C1QTNF1: variants seen among roughly 807,000 people sequenced by gnomAD.
C1QTNF1 encodes C1q and TNF related 1, also known as complement C1q tumor necrosis factor-related protein 1.
Under a neutral mutation model 27.8 loss-of-function variants are expected in C1QTNF1, and 22 were observed. The observed-to-expected ratio is 0.79, with a 90% CI of 0.56 to 1.13. C1QTNF1 has a LOEUF of 1.13. C1QTNF1 is among the 50% of genes most tolerant of loss of function. The probability of loss-of-function intolerance (pLI) is 0.00; values close to 1 mark genes in which losing one functional copy is unlikely to be tolerated. For missense variants in C1QTNF1, 373 were observed against 380.2 expected, an observed-to-expected ratio of 0.98 and a Z score of 0.16; for synonymous variants, 166 against 154.3, an observed-to-expected ratio of 1.08 and a Z score of -0.56.
chr17:79,043,702 G>T, intron 1 of C1QTNF1: 1 of 605,404 alleles, frequency 1.7e-6, no homozygotes, highest in East Asian at 3.6e-5. Context: ...GCATGTGTGG[G>T]GGTTGCATGT....
chr17:79,036,239 G>T (rs1209039641), intron 1 of C1QTNF1, among the ~76,000 whole-genome samples: 1 of 152,232 alleles, frequency 6.6e-6, no homozygotes, highest in Non-Finnish European at 1.5e-5. Context: ...CAGTGGTGCA[G>T]TCGTGGCTCA....
chr17:79,043,301 GTGTGCATGTGAGT>G, intron 1 of C1QTNF1: 1 of 453,308 alleles, frequency 2.2e-6, no homozygotes, highest in Non-Finnish European at 4.4e-6. Context: ...ATTTGGGTAT[GTGTGCATGTGAGT>G]TGTGCATGTG....
chr17:79,045,165 A>C (rs2072535309), intron 2 of C1QTNF1, among the ~76,000 whole-genome samples: 4 of 152,172 alleles, frequency 2.6e-5, no homozygotes, highest in Admixed American at 2.6e-4. Context: ...CTTGAAGGAC[A>C]CCTGCGGGCC....
At chr17:79,043,131 G>T (rs2072461357) in intron 1 of C1QTNF1, among the ~76,000 whole-genome samples, 1 of 150,856 alleles carries the variant, frequency 6.6e-6, no homozygotes, top group South Asian at 2.1e-4. Context: ...GTGAATGTGT[G>T]TGCATGTTGG....
chr17:79,028,883 GGTGTGTGTGT>G (rs3223281), intron 1 of C1QTNF1, among the ~76,000 whole-genome samples: 33 of 149,374 alleles, frequency 2.2e-4, no homozygotes, highest in Non-Finnish European at 3.3e-4. Flanking sequence ...CACATTTTAA[GGTGTGTGTGT>G]GTGTGTGTGT....
intron 1 of C1QTNF1, chr17:79,043,658 GTGCATGTGTGGAT>G: frequency 1.9e-6 from 1 of 532,280 alleles, no homozygotes; most frequent in East Asian, 4.8e-5. Context: ...GTGACTGTGT[GTGCATGTGTGGAT>G]TGCATGTGTG....
At chr17:79,034,042 T>C (rs1239330706) in intron 1 of C1QTNF1, 1 of 152,254 alleles carries the variant, frequency 6.6e-6, no homozygotes, top group African/African-American at 2.4e-5. Context: ...AGCCCTGTCT[T>C]ATGCCAGGCT....
At chr17:79,037,998 T>C (rs2072305190) in intron 1 of C1QTNF1, among the ~76,000 whole-genome samples, 1 of 149,470 alleles carries the variant, frequency 6.7e-6, no homozygotes, top group Non-Finnish European at 1.5e-5. Flanking sequence ...TTCTTTTTCT[T>C]TTTTTTTTTG....
intron 1 of C1QTNF1, among the ~76,000 whole-genome samples, chr17:79,036,672 T>C (rs2072271214): frequency 2.0e-5 from 3 of 152,252 alleles, no homozygotes; most frequent in Admixed American, 2.0e-4. Flanking sequence ...TGAGCTATAA[T>C]TGGGTACGTG....
chr17:79,023,815 A>G (rs1333082637), upstream of C1QTNF1, among the ~76,000 whole-genome samples: 1 of 152,162 alleles, frequency 6.6e-6, no homozygotes, highest in Non-Finnish European at 1.5e-5. Flanking sequence ...AGGGCGTCTC[A>G]GGTCTGCCAC....
rs2072248152 is a variant in C1QTNF1 at position 79,035,676 on chromosome 17, C to G, written c.-14-8279C>G. Among the ~76,000 whole-genome samples the G allele has an allele frequency of 3.3e-5, 5 of 152,282 alleles. 1 individual carries two copies. In the South Asian group the frequency reaches 1.0e-3, roughly 32 times the overall value. ...GAGCTCTTGGCCTCAAGTGATCTGCCCACCTCAGCCTCCCAAAGTGCTGGG... is the reference window on the plus strand; with the variant it reads ...GAGCTCTTGGCCTCAAGTGATCTGCGCACCTCAGCCTCCCAAAGTGCTGGG... On this transcript the variant is annotated intron_variant, in intron 1 of 3. Transcript: ENST00000579760.
At chr17:79,028,283 C>T (rs564307623) in intron 1 of C1QTNF1, among the ~76,000 whole-genome samples, 6 of 152,354 alleles carry the variant, frequency 3.9e-5, no homozygotes, top group Admixed American at 2.6e-4. Flanking sequence ...AAACCCTATG[C>T]TTTGGGTTGT....
At chr17:79,042,391 C>G (rs1419312740) in intron 1 of C1QTNF1, among the ~76,000 whole-genome samples, 1 of 152,232 alleles carries the variant, frequency 6.6e-6, no homozygotes, top group Non-Finnish European at 1.5e-5. Context: ...GAAGGACTGT[C>G]CCAATACTGG....
intron 1 of C1QTNF1, chr17:79,043,190 AG>A (rs2072464497): frequency 2.3e-6 from 1 of 442,128 alleles, no homozygotes; most frequent in East Asian, 7.1e-5. Flanking sequence ...TGCATGTAAA[AG>A]TGTGCATGTG....
At position 79,046,261 on chromosome 17, in the gene C1QTNF1, C is replaced by T. The variant is rs2072569544; in HGVS notation, c.156-294C>T. Among the ~76,000 whole-genome samples, 1 of 152,188 alleles carries T rather than the reference C, an allele frequency of 6.6e-6. No individual in the cohort carries two copies. Among genetic ancestry groups the T allele is most frequent in the Admixed American group, 6.5e-5 (1 of 15,290 alleles). On this transcript the variant is annotated intron_variant, in intron 2 of 3. Transcript: ENST00000579760. This position sits in a 1 kb window ranked among gnomAD's most constrained non-coding sequence, Gnocchi z 4.8. ...CATTGTCTTGTGTCACCCAAAGACC[C>T]TCTCTTAGAAGTGTGGATTTCTCCC...
At chr17:79,038,967 C>T (rs1157413825) in intron 1 of C1QTNF1, among the ~76,000 whole-genome samples, 1 of 152,194 alleles carries the variant, frequency 6.6e-6, no homozygotes, top group Non-Finnish European at 1.5e-5. Context: ...TTGAGGAGAG[C>T]CACCACCGCC....
rs1173658669 is a variant in C1QTNF1 at position 79,048,228 on chromosome 17, C to T, written c.*140C>T. 1.2e-6 allele frequency: 1 copy of T among 835,572 alleles called. No homozygotes were observed. 51.8% of individuals were successfully genotyped at this position (835,572 alleles called of 1,614,324 possible). A position where few individuals can be genotyped will look rare whatever the true frequency, so the allele number is the denominator to read the frequency against. ...GCCCTGCACACACAGAAAGCCAAAG[C>T]GATCGGTGCTCCCAGATCCCGCAGC... On this transcript the variant is annotated 3_prime_UTR_variant, in exon 4 of 4. Transcript: ENST00000579760.
intron 1 of C1QTNF1, chr17:79,024,959 G>C (rs2071892863): frequency 6.6e-6 from 1 of 152,544 alleles, no homozygotes; most frequent in Admixed American, 6.5e-5. Flanking sequence ...TGACCGCCGG[G>C]TCTGTCCAGT....
chr17:79,022,939 T>C (rs1250532811), upstream of C1QTNF1: 1 of 152,350 alleles, frequency 6.6e-6, no homozygotes, highest in African/African-American at 2.4e-5. Flanking sequence ...TCTCCATTTG[T>C]CCTCAGCTCT....
Sources: gnomAD v4.1 joint callset for allele counts (sites outside exome capture counted in the v4.1 genomes callset) on GRCh38, gnomAD v4.1.1 for gene constraint, Gnocchi (gnomAD v3.1) non-coding constraint, MANE v1.5 for transcripts, NCBI Gene and HGNC (gene_info 2026-07-23, HGNC 2026-07-21) for gene names.